TNFRSF4: variants seen among roughly 807,000 people sequenced by gnomAD.
TNFRSF4 encodes the protein TNF receptor superfamily member 4.
TNFRSF4 carries 21 observed loss-of-function variants against 29.5 expected under a neutral mutation model. The observed-to-expected ratio is 0.71, with a 90% CI of 0.51 to 1.03. The LOEUF (loss-of-function observed/expected upper bound fraction) is 1.03, where lower values mean the gene tolerates loss of function less well. Among genes scored for constraint, TNFRSF4 ranks in the 50% least tolerant of loss-of-function variants. TNFRSF4 has a pLI of 0.00. For synonymous variants in TNFRSF4, 197 were observed against 172.7 expected (o/e 1.14, Z -1.10); for missense variants, 408 against 387.8 (o/e 1.05, Z -0.44).
rs1335013666 is a variant in TNFRSF4 at position 1,212,274 on chromosome 1, C to T, written c.438-136G>A. On this transcript the variant is annotated intron_variant, in intron 4 of 6. Coordinates refer to ENST00000379236, the MANE Select transcript of TNFRSF4 (RefSeq NM_003327.4). ...ACACCAGGCCAGTGACAGCCAAGGA[C>T]GCTGCCCAGCCCCACGTGCCCCCCA... 1.8e-4 allele frequency: 187 copies of T among 1,041,082 alleles called. 3 individuals are homozygous for T. The South Asian group carries it at 1.8e-3, about 10-fold the overall frequency. The allele number at this position is 1,041,082 out of a possible 1,614,324, so 64.5% of individuals were successfully genotyped here. A position where few individuals can be genotyped will look rare whatever the true frequency, so the allele number is the denominator to read the frequency against.
Position 1,211,505 on chromosome 1 carries a change from C to T in TNFRSF4, c.*50G>A, listed in dbSNP as rs751786485. 1 of 1,469,508 alleles carries T rather than the reference C, an allele frequency of 6.8e-7. No homozygotes were observed. The highest frequency in any genetic ancestry group is 9.0e-7 in the Non-Finnish European group (1 of 1,113,456). 91.0% of individuals were successfully genotyped at this position (1,469,508 alleles called of 1,614,324 possible). A position where few individuals can be genotyped will look rare whatever the true frequency, so the allele number is the denominator to read the frequency against. ...ACCTGCCCTGCTCGCCCAGCAGACC[C>T]TCCGGGCTCCAGCCTGGCGGGGCCC... On this transcript the variant is annotated 3_prime_UTR_variant, in exon 7 of 7. Coordinates refer to ENST00000379236, the MANE Select transcript of TNFRSF4 (RefSeq NM_003327.4).
intron 2 of TNFRSF4, 198 bp downstream of exon 2, chr1:1,213,465 C>A: frequency 6.7e-7 from 1 of 1,492,334 alleles, no homozygotes; most frequent in Admixed American, 2.4e-5. Flanking sequence ...TGGGCCGAGT[C>A]TGGGCCCCCG....
rs527372725 is a variant in TNFRSF4, at chr1:1,213,940, T to C, written c.145+43A>G. ...GGCCCATCCCTGCCCCAGCCCCCAG[T>C]CCCTGGAGTGCCCGTGCGTGGCGAC... On this transcript the variant is annotated intron_variant, in intron 1 of 6. Transcript: ENST00000379236. The C allele has an allele frequency of 4.7e-6, 7 of 1,480,936 alleles. No individual in the cohort carries two copies. The South Asian group carries it at 8.5e-5, about 18-fold the overall frequency. The allele number at this position is 1,480,936 out of a possible 1,614,324, so 91.7% of individuals were successfully genotyped here. A position where few individuals can be genotyped will look rare whatever the true frequency, so the allele number is the denominator to read the frequency against.
chr1:1,213,285 C>T (rs1407619604), intron 2 of TNFRSF4, 192 bp from the exon 3 acceptor site: 5 of 1,530,838 alleles, frequency 3.3e-6, no homozygotes, highest in Non-Finnish European at 4.4e-6. Flanking sequence ...TGGCCACAAC[C>T]TGGGGCTGGT....
chr1:1,211,449 GC>G lies in TNFRSF4; in HGVS notation c.*105del. 1.7e-6 allele frequency: 2 copies of G among 1,195,802 alleles called. No homozygotes were observed. The highest frequency in any genetic ancestry group is 2.3e-6 in the Non-Finnish European group (2 of 883,286). The allele number at this position is 1,195,802 out of a possible 1,614,324, so 74.1% of individuals were successfully genotyped here. On this transcript the variant is annotated 3_prime_UTR_variant, in exon 7 of 7. Transcript: ENST00000379236. ...CGGCACCTAGAACGGTGCAGAGTTGGCCCAGGAGCGTGGCGGGGCAGGCGGC... is the reference window on the plus strand; with the variant it reads ...CGGCACCTAGAACGGTGCAGAGTTGGCCAGGAGCGTGGCGGGGCAGGCGGC...
rs2100953077 is a variant in TNFRSF4, at chr1:1,212,713, AAGAT to A, written c.371-13_371-10del. 3 of 1,566,594 alleles carry A rather than the reference AAGAT, an allele frequency of 1.9e-6. No homozygotes were observed. The highest frequency in any genetic ancestry group is 2.6e-6 in the Non-Finnish European group (3 of 1,156,742). On this transcript the variant is annotated splice_polypyrimidine_tract_variant and intron_variant, in intron 3 of 6. Coordinates refer to ENST00000379236, the MANE Select transcript of TNFRSF4 (RefSeq NM_003327.4). ...AGGGCAGGGGGCACAGTCTGCAACA[AAGAT>A]AGGGTGGTCAGGGGCTGCCCACAGG...
intron 2 of TNFRSF4, 67 bp from the exon 3 acceptor site, chr1:1,213,160 GC>G: frequency 1.3e-6 from 2 of 1,548,756 alleles, no homozygotes; most frequent in Non-Finnish European, 1.7e-6. Context: ...GGAAGCGTGG[GC>G]ACTGGAGGAC....
At chr1:1,213,524 C>T in intron 2 of TNFRSF4, 139 bp downstream of exon 2, 1 of 1,466,190 alleles carries the variant, frequency 6.8e-7, no homozygotes, top group South Asian at 1.4e-5. Flanking sequence ...TCGAAGGACC[C>T]CTGTGGCGGA....
At chr1:1,212,186 C>T (rs1284994593) in intron 4 of TNFRSF4, 48 bp from the exon 5 acceptor site, 3 of 1,599,748 alleles carry the variant, frequency 1.9e-6, no homozygotes, top group South Asian at 1.1e-5. Flanking sequence ...CCCCTGGGAC[C>T]CGGGAGATGC....
chr1:1,212,006 C>T lies in TNFRSF4; in HGVS notation c.570G>A (p.Gln190=). The change falls in exon 5 of 7, where the codon CAG becomes CAA. Residue 190 remains glutamine (Q), a synonymous_variant. Coordinates refer to ENST00000379236, the MANE Select transcript of TNFRSF4 (RefSeq NM_003327.4). ...QGPPARPITV[Q]PTEAWPRTSQ... ...AGGTTCTGGGCCAGGCTTCAGTGGG[C>T]TGGACAGTGATGGGCCTGGCCGGGG... 1 of 1,608,910 alleles carries T rather than the reference C, an allele frequency of 6.2e-7. No individual in the cohort carries two copies. The highest frequency in any genetic ancestry group is 1.7e-5 in the Admixed American group (1 of 59,356).
Position 1,211,379 on chromosome 1 carries a change from GGAGGTAT to G in TNFRSF4, c.*169_*175del. On this transcript the variant is annotated 3_prime_UTR_variant, in exon 7 of 7. Transcript: ENST00000379236. ...GTTTTTATTGTGGTCCCGCGGGGCA[GGAGGTAT>G]GCATGGCATACGTAAGCAGAGAGCC... The G allele has an allele frequency of 3.7e-6, 2 of 533,578 alleles. No individual in the cohort carries two copies. The highest frequency in any genetic ancestry group is 6.2e-6 in the Non-Finnish European group (2 of 323,512). 33.1% of individuals were successfully genotyped at this position (533,578 alleles called of 1,614,324 possible). A position where few individuals can be genotyped will look rare whatever the true frequency, so the allele number is the denominator to read the frequency against.
At position 1,213,019 on chromosome 1, in the gene TNFRSF4, G is replaced by C. The variant is rs1296437763; in HGVS notation, c.343C>G (p.Pro115Ala). 1 of 1,611,736 alleles carries C rather than the reference G, an allele frequency of 6.2e-7. No homozygotes were observed. Among genetic ancestry groups the C allele is most frequent in the South Asian group, 1.1e-5 (1 of 90,984 alleles). ...ACTCCAGGCTTGTAGCTGTCCAGGGGCTGGGTGCCCGCCCGGCAGCGGCAG... is the reference window on the plus strand; with the variant it reads ...ACTCCAGGCTTGTAGCTGTCCAGGGCCTGGGTGCCCGCCCGGCAGCGGCAG... ...TVCRCRAGTQ[P>A]LDSYKPGVDC... Residue 115 changes from proline to alanine, a missense_variant, in exon 3 of 7, where the codon CCC becomes GCC. Physicochemically the swap from Pro to Ala is conservative, Grantham distance 27 (BLOSUM62 -1). Coordinates refer to ENST00000379236, the MANE Select transcript of TNFRSF4 (RefSeq NM_003327.4).
chr1:1,213,179 C>G, intron 2 of TNFRSF4, 86 bp from the exon 3 acceptor site: 2 of 1,539,312 alleles, frequency 1.3e-6, no homozygotes, highest in Non-Finnish European at 1.7e-6. Flanking sequence ...GACAGGTTGG[C>G]CTCCCCACCA....
At chr1:1,211,890 C>T in intron 5 of TNFRSF4, 52 bp downstream of exon 5, 3 of 1,509,340 alleles carry the variant, frequency 2.0e-6, no homozygotes, top group Non-Finnish European at 2.6e-6. Context: ...GCCGCCCTCC[C>T]CTTCTCCTAT....
intron 2 of TNFRSF4, 173 bp from the exon 3 acceptor site, chr1:1,213,266 C>A (rs1030160771): frequency 6.5e-7 from 1 of 1,532,756 alleles, no homozygotes; most frequent in Non-Finnish European, 8.7e-7. Flanking sequence ...CTCCTGGGCC[C>A]TCCCTTCCTG....
chr1:1,213,453 C>G (rs1393984878), intron 2 of TNFRSF4: 1 of 1,509,736 alleles, frequency 6.6e-7, no homozygotes, highest in Admixed American at 2.2e-5. Context: ...CTCCACGTGG[C>G]CTGGGCCGAG....
In TNFRSF4 at chr1:1,212,150, C is replaced by T; in HGVS notation, c.438-12G>A. The T allele has an allele frequency of 6.2e-7, 1 of 1,612,272 alleles. No individual in the cohort carries two copies. Among genetic ancestry groups the T allele is most frequent in the East Asian group, 2.2e-5 (1 of 44,858 alleles). The stretch of plus-strand genomic sequence containing the variant: ...CAGCCAAGGTGCAGCTGTTGGGGAA[C>T]AGGAGGTGTTGCTCAGGCCAGAAAC... On this transcript the variant is annotated splice_polypyrimidine_tract_variant and intron_variant, in intron 4 of 6. Transcript: ENST00000379236.
At chr1:1,213,523 C>A in intron 2 of TNFRSF4, 140 bp downstream of exon 2, 1 of 1,465,896 alleles carries the variant, frequency 6.8e-7, no homozygotes, top group East Asian at 2.5e-5. Context: ...CTCGAAGGAC[C>A]CCTGTGGCGG....
Position 1,212,600 on chromosome 1 carries a change from C to A in TNFRSF4, c.437+38G>T, listed in dbSNP as rs750304065. On this transcript the variant is annotated intron_variant, in intron 4 of 6. Transcript: ENST00000379236. ...TCCGCCCTCCTAACCACCCCAACCC[C>A]CCCCCAGCCCCTCCCAGCCCCTGGC... is the stretch of plus-strand genomic sequence containing the variant. 4.5e-6 allele frequency: 6 copies of A among 1,344,056 alleles called. No individual in the cohort carries two copies. The Admixed American group carries it at 9.3e-5, about 21-fold the overall frequency. The allele number at this position is 1,344,056 out of a possible 1,614,324, so 83.3% of individuals were successfully genotyped here. A position where few individuals can be genotyped will look rare whatever the true frequency, so the allele number is the denominator to read the frequency against.
Sources: allele counts gnomAD v4.1 joint callset, GRCh38; gene constraint gnomAD v4.1.1; transcripts MANE v1.5; gene names NCBI Gene and HGNC (gene_info 2026-07-23, HGNC 2026-07-21).